ARHGAP25: variants seen among roughly 807,000 people sequenced by gnomAD.
The protein encoded by ARHGAP25 is Rho GTPase activating protein 25.
ARHGAP25 carries 34 observed loss-of-function variants against 71.0 expected under a neutral mutation model. The ratio of observed to expected loss-of-function variants is 0.48; its 90% CI spans 0.36 to 0.64. The LOEUF (loss-of-function observed/expected upper bound fraction) is 0.64. ARHGAP25 is among the 30% of genes least tolerant of loss of function. The probability of loss-of-function intolerance (pLI) is 0.00; values close to 1 mark genes in which losing one functional copy is unlikely to be tolerated. For synonymous variants in ARHGAP25, 282 were observed against 296.5 expected (o/e 0.95, Z 0.50); for missense variants, 706 against 805.1 (o/e 0.88, Z 1.49).
chr2:68,818,948 C>T (rs1681433987), intron 8 of ARHGAP25, among the ~76,000 whole-genome samples, 175 bp from the exon 9 acceptor site: 1 of 152,216 alleles, frequency 6.6e-6, no homozygotes, highest in Admixed American at 6.5e-5. Context: ...CCATCCCTTT[C>T]AACATAATCT....
intron 4 of ARHGAP25, among the ~76,000 whole-genome samples, chr2:68,799,157 G>A (rs1465715053): frequency 6.6e-6 from 1 of 152,322 alleles, no homozygotes; most frequent in East Asian, 1.9e-4. Flanking sequence ...AACATTGCCA[G>A]GGGGTGGGAG....
intron 3 of ARHGAP25, among the ~76,000 whole-genome samples, chr2:68,783,753 A>G (rs1443225171): frequency 2.0e-5 from 3 of 152,036 alleles, no homozygotes; most frequent in African/African-American, 7.2e-5. Context: ...GTGAGCCACC[A>G]TTCCTAGCCT....
intron 1 of ARHGAP25, among the ~76,000 whole-genome samples, chr2:68,771,808 T>C (rs1677506818): frequency 6.6e-6 from 1 of 152,134 alleles, no homozygotes; most frequent in South Asian, 2.1e-4. Context: ...CAAACTATGG[T>C]GGGATGTTAA....
At chr2:68,731,434 T>C (rs1052892194), upstream of ARHGAP25, among the ~76,000 whole-genome samples, 1 of 152,056 alleles carries the variant, frequency 6.6e-6, no homozygotes, top group African/African-American at 2.4e-5. Flanking sequence ...CCTCTCTCCC[T>C]CACTCTTCCT....
At chr2:68,792,977 A>G (rs1182849959) in intron 4 of ARHGAP25, among the ~76,000 whole-genome samples, 1 of 152,124 alleles carries the variant, frequency 6.6e-6, no homozygotes, top group Non-Finnish European at 1.5e-5. Context: ...AGAGTGGCGT[A>G]AGGTGCGATC....
intron 4 of ARHGAP25, among the ~76,000 whole-genome samples, chr2:68,796,011 G>T (rs150798159): frequency 6.6e-6 from 1 of 152,086 alleles, no homozygotes; most frequent in African/African-American, 2.4e-5. Flanking sequence ...GACTCACTTT[G>T]TTCATTCCTT....
chr2:68,808,945 A>T (rs550144211), intron 5 of ARHGAP25, among the ~76,000 whole-genome samples: 81 of 152,236 alleles, frequency 5.3e-4, no homozygotes, highest in African/African-American at 1.4e-3. Flanking sequence ...TTACCTTGCG[A>T]CATCTCCACC....
chr2:68,734,367 C>A (rs1220582735), upstream of ARHGAP25, among the ~76,000 whole-genome samples: 1 of 152,184 alleles, frequency 6.6e-6, no homozygotes, highest in African/African-American at 2.4e-5. Flanking sequence ...GTGGGTCGAC[C>A]TAGCTTAAGT....
At position 68,771,139 on chromosome 2, in the gene ARHGAP25, C is replaced by G. The variant is rs376939831; in HGVS notation, c.62-4082C>G. Among the ~76,000 whole-genome samples, 12 of 152,194 alleles carry G rather than the reference C, an allele frequency of 7.9e-5. No homozygotes were observed. In the East Asian group the frequency reaches 1.2e-3, roughly 15 times the overall value. On this transcript the variant is annotated intron_variant, in intron 1 of 10. Coordinates refer to ENST00000409202, the MANE Select transcript of ARHGAP25 (RefSeq NM_001007231.3). ...CCACTTATGGTTAGTGGCTACTGTA[C>G]TAGACAATGCAGTGCTAGGGGCTTG...
chr2:68,808,689 A>T (rs899668975), intron 5 of ARHGAP25, among the ~76,000 whole-genome samples: 4 of 152,194 alleles, frequency 2.6e-5, no homozygotes, highest in Non-Finnish European at 5.9e-5. Context: ...TTGTTCCATT[A>T]TGCTCACCAC....
intron 1 of ARHGAP25, among the ~76,000 whole-genome samples, chr2:68,758,872 T>C (rs1357133120): frequency 1.3e-5 from 2 of 151,934 alleles, no homozygotes; most frequent in African/African-American, 2.4e-5. Context: ...TAAGTCTCAA[T>C]CGATTTTAAA....
chr2:68,807,724 C>T (rs1034564646), intron 5 of ARHGAP25, among the ~76,000 whole-genome samples: 28 of 152,100 alleles, frequency 1.8e-4, no homozygotes, highest in Non-Finnish European at 2.9e-4. Flanking sequence ...CCCTGCTGGG[C>T]AGATTCAGGT....
intron 2 of ARHGAP25, among the ~76,000 whole-genome samples, chr2:68,714,057 A>G (rs1245666623): frequency 1.3e-5 from 2 of 152,172 alleles, no homozygotes; most frequent in African/African-American, 2.4e-5. Context: ...TTCAGAAGGA[A>G]TGGTACCAGC....
intron 1 of ARHGAP25, among the ~76,000 whole-genome samples, chr2:68,763,633 C>G (rs1676954573): frequency 6.6e-6 from 1 of 152,146 alleles, no homozygotes; most frequent in South Asian, 2.1e-4. Flanking sequence ...AAACCATTTA[C>G]TAGTTTTTTA....
chr2:68,730,204 G>A (rs568364017), upstream of ARHGAP25, among the ~76,000 whole-genome samples: 7 of 152,256 alleles, frequency 4.6e-5, no homozygotes, highest in South Asian at 1.5e-3. Flanking sequence ...GAAGGTGAGG[G>A]AGAAGTAGGA....
At chr2:68,796,123 G>A (rs368234299) in intron 4 of ARHGAP25, among the ~76,000 whole-genome samples, 12 of 152,110 alleles carry the variant, frequency 7.9e-5, no homozygotes, top group Non-Finnish European at 1.8e-4. Context: ...TGCTGTTGCA[G>A]CTTTTGAATG....
chr2:68,785,691 C>T lies in ARHGAP25; in HGVS notation c.350-2149C>T, dbSNP rs1345456818. Among the ~76,000 whole-genome samples, 3 of 152,058 alleles carry T rather than the reference C, an allele frequency of 2.0e-5. No individual in the cohort carries two copies. The East Asian group carries it at 5.8e-4, about 29-fold the overall frequency. ...TTAAGGGATTATAGAATAAGGACTC[C>T]CCACTCAACTTGGAGTAGGGGGAAG... On this transcript the variant is annotated intron_variant, in intron 3 of 10. Transcript: ENST00000409202.
chr2:68,821,045 A>G (rs1681612873), intron 9 of ARHGAP25, among the ~76,000 whole-genome samples: 1 of 149,790 alleles, frequency 6.7e-6, no homozygotes, highest in South Asian at 2.1e-4. Flanking sequence ...TAGATGTACC[A>G]GTCCCTATAG....
intron 8 of ARHGAP25, among the ~76,000 whole-genome samples, chr2:68,818,579 CG>C (rs1186513303): frequency 6.6e-6 from 1 of 152,224 alleles, no homozygotes; most frequent in African/African-American, 2.4e-5. Context: ...CTTCCCACCT[CG>C]GCCTCCCAAA....
Sources: gnomAD v4.1 joint callset for allele counts (sites outside exome capture counted in the v4.1 genomes callset) on GRCh38, gnomAD v4.1.1 for gene constraint, MANE v1.5 for transcripts, NCBI Gene and HGNC (gene_info 2026-07-23, HGNC 2026-07-21) for gene names.